Variants in CXCR2 observed in about 807,000 individuals in gnomAD.
CXCR2 encodes C-X-C chemokine receptor type 2.
In CXCR2, 2 loss-of-function variants were observed where a neutral mutation model predicts 3.7. The ratio of observed to expected loss-of-function variants is 0.55; its 90% CI spans 0.22 to 1.72. CXCR2 has a LOEUF of 1.72. Ranked by LOEUF, CXCR2 falls within the 40% of genes most tolerant of loss-of-function variation. The probability of loss-of-function intolerance (pLI) is 0.19; values close to 1 mark genes in which losing one functional copy is unlikely to be tolerated. For missense variants in CXCR2, 351 were observed against 450.1 expected (o/e 0.78, Z 1.99); for synonymous variants, 203 against 193.3 (o/e 1.05, Z -0.41).
chr2:218,128,529 T>A (rs1690563365), intron 1 of CXCR2, among the ~76,000 whole-genome samples: 1 of 152,248 alleles, frequency 6.6e-6, no homozygotes, highest in African/African-American at 2.4e-5. Flanking sequence ...TTCATTCATT[T>A]GTAATCAATA....
chr2:218,136,795 G>A lies in CXCR2; in HGVS notation c.*911G>A, dbSNP rs972609212. On this transcript the variant is annotated 3_prime_UTR_variant, in exon 3 of 3. Coordinates refer to ENST00000318507, the MANE Select transcript of CXCR2 (RefSeq NM_001557.4). Reference sequence around the variant, plus strand: ...TACTCATACATGTTACAACACGGACGAACCTTGAAAACTTTATGCTAAGTG... The same window carrying A: ...TACTCATACATGTTACAACACGGACAAACCTTGAAAACTTTATGCTAAGTG... 6.0e-6 allele frequency: 1 copy of A among 167,044 alleles called. No homozygotes were observed. Among genetic ancestry groups the A allele is most frequent in the Non-Finnish European group, 1.5e-5 (1 of 68,128 alleles). 10.3% of individuals were successfully genotyped at this position (167,044 alleles called of 1,614,324 possible).
upstream of CXCR2, chr2:218,125,443 C>T (rs1488110715): frequency 6.6e-6 from 1 of 152,042 alleles, no homozygotes; most frequent in Non-Finnish European, 1.5e-5. Flanking sequence ...CTTTCCTGTT[C>T]AGTTCCTGCA....
intron 1 of CXCR2, among the ~76,000 whole-genome samples, chr2:218,128,181 A>G (rs1411266014): frequency 1.3e-5 from 2 of 152,252 alleles, no homozygotes; most frequent in African/African-American, 4.8e-5. Flanking sequence ...AGAATTGCTC[A>G]GCTAGCCCTG....
At position 218,135,207 on chromosome 2, in the gene CXCR2, C is replaced by T. The variant is rs1690754895; in HGVS notation, c.406C>T (p.Leu136=). The T allele has an allele frequency of 1.2e-6, 2 of 1,614,218 alleles. No individual in the cohort carries two copies. Among genetic ancestry groups the T allele is most frequent in the Non-Finnish European group, 1.7e-6 (2 of 1,180,048 alleles). Residue 136 remains leucine, a synonymous_variant, in exon 3 of 3, where the codon CTA becomes TTA. Transcript: ENST00000318507. The surrounding 1 kb of genome is among the most constrained non-coding windows in gnomAD (Gnocchi z 4.0). ...KEVNFYSGIL[L]LACISVDRYL... ...AGTCAACTTCTATAGTGGCATCCTGCTACTGGCCTGCATCAGTGTGGACCG... is the reference window on the plus strand; with the variant it reads ...AGTCAACTTCTATAGTGGCATCCTGTTACTGGCCTGCATCAGTGTGGACCG...
chr2:218,130,764 A>C (rs1019544310), intron 2 of CXCR2: 2 of 152,280 alleles, frequency 1.3e-5, no homozygotes, highest in African/African-American at 4.8e-5. Flanking sequence ...CTGCCAAGTC[A>C]TCCTCTGTAG....
chr2:218,131,848 A>G (rs976830888), intron 2 of CXCR2, among the ~76,000 whole-genome samples: 3 of 151,626 alleles, frequency 2.0e-5, no homozygotes, highest in South Asian at 2.1e-4. Flanking sequence ...TGGGAAGGCA[A>G]TGTATCTGGC....
In CXCR2 at chr2:218,135,962, T is replaced by C; in HGVS notation, c.*78T>C. On this transcript the variant is annotated 3_prime_UTR_variant, in exon 3 of 3. Coordinates refer to ENST00000318507, the MANE Select transcript of CXCR2 (RefSeq NM_001557.4). The surrounding 1 kb of genome is among the most constrained non-coding windows in gnomAD (Gnocchi z 4.0). Reference sequence around the variant, plus strand: ...ACATTCCAAGCCTCATGTCCACTGGTTCTTCTTGGTCTCAGTGTCAATGCA... The same window carrying C: ...ACATTCCAAGCCTCATGTCCACTGGCTCTTCTTGGTCTCAGTGTCAATGCA... The C allele has an allele frequency of 6.6e-7, 1 of 1,512,342 alleles. No individual in the cohort carries two copies. Among genetic ancestry groups the C allele is most frequent in the Non-Finnish European group, 8.9e-7 (1 of 1,127,272 alleles). The allele number at this position is 1,512,342 out of a possible 1,614,324, so 93.7% of individuals were successfully genotyped here.
chr2:218,134,461 G>T (rs1690729732), intron 2 of CXCR2, among the ~76,000 whole-genome samples: 1 of 152,178 alleles, frequency 6.6e-6, no homozygotes, highest in African/African-American at 2.4e-5. Flanking sequence ...GCCACTGAAG[G>T]ATCCAGGTAG....
rs776719750 is a variant in CXCR2 at position 218,135,462 on chromosome 2, AT to A, written c.662del (p.Ile221ThrfsTer5). ...LRILPQSFGF[I>X]VPLLIMLFCY... ...GATCCTGCCCCAGTCCTTTGGCTTC[AT>A]CGTGCCACTGCTGATCATGCTGTTC... On this transcript the variant is annotated frameshift_variant, in exon 3 of 3. Transcript: ENST00000318507. LOFTEE classifies it high-confidence loss of function. This position sits in a 1 kb window ranked among gnomAD's most constrained non-coding sequence, Gnocchi z 4.0. 5.6e-6 allele frequency: 9 copies of A among 1,614,174 alleles called. No individual in the cohort carries two copies. In the Admixed American group the frequency reaches 1.3e-4, roughly 24 times the overall value.
chr2:218,128,647 G>C (rs1690565663), intron 1 of CXCR2, among the ~76,000 whole-genome samples: 1 of 152,182 alleles, frequency 6.6e-6, no homozygotes, highest in African/African-American at 2.4e-5. Flanking sequence ...TTCCAAATTA[G>C]AGGGTCTTGG....
chr2:218,130,661 A>C (rs1322865694), intron 2 of CXCR2, among the ~76,000 whole-genome samples: 2 of 152,124 alleles, frequency 1.3e-5, no homozygotes, highest in Non-Finnish European at 1.5e-5. Flanking sequence ...GCCTAATTGT[A>C]TCTATTTGTA....
intron 2 of CXCR2, among the ~76,000 whole-genome samples, chr2:218,130,291 G>A (rs977068755): frequency 2.6e-5 from 4 of 152,044 alleles, no homozygotes; most frequent in South Asian, 2.1e-4. Flanking sequence ...GCAGTGGCAG[G>A]CGCCTGTAAT....
chr2:218,132,350 A>G (rs183902078), intron 2 of CXCR2, among the ~76,000 whole-genome samples: 23 of 152,348 alleles, frequency 1.5e-4, no homozygotes, highest in Admixed American at 5.2e-4. Context: ...GAATCACACA[A>G]TAAGAAAACT....
In CXCR2 at chr2:218,135,912, G is replaced by C; in HGVS notation, c.*28G>C. 1 of 1,572,644 alleles carries C rather than the reference G, an allele frequency of 6.4e-7. No individual in the cohort carries two copies. The highest frequency in any genetic ancestry group is 8.6e-7 in the Non-Finnish European group (1 of 1,158,674). On this transcript the variant is annotated 3_prime_UTR_variant, in exon 3 of 3. Transcript: ENST00000318507. The surrounding 1 kb of genome is among the most constrained non-coding windows in gnomAD (Gnocchi z 4.0). ...CCTCCTGCCTAAGTGCAGCCCCGTG[G>C]GGTTCCTCCCTTCTCTTCACAGTCA... is the stretch of plus-strand genomic sequence containing the variant.
intron 1 of CXCR2, among the ~76,000 whole-genome samples, chr2:218,127,179 T>C (rs1258547841): frequency 1.3e-5 from 2 of 152,204 alleles, no homozygotes; most frequent in East Asian, 1.9e-4. Flanking sequence ...CAGGCTGGAA[T>C]GCAATGGCAC....
chr2:218,128,770 T>C (rs1690568442), intron 1 of CXCR2, among the ~76,000 whole-genome samples: 2 of 151,994 alleles, frequency 1.3e-5, no homozygotes, highest in African/African-American at 4.8e-5. Context: ...GAGCAGATGG[T>C]TGGGGAGTGA....
Position 218,136,142 on chromosome 2 carries a change from C to G in CXCR2, c.*258C>G, listed in dbSNP as rs1052657665. On this transcript the variant is annotated 3_prime_UTR_variant, in exon 3 of 3. Transcript: ENST00000318507. ...ATCCTGCCCCTGAGCCCATGGCACT[C>G]TATGTTCTAAGAAGTGAAAATCTAC... The G allele has an allele frequency of 2.3e-6, 1 of 429,726 alleles. No homozygotes were observed. Among genetic ancestry groups the G allele is most frequent in the Admixed American group, 4.0e-5 (1 of 25,072 alleles). 26.6% of individuals were successfully genotyped at this position (429,726 alleles called of 1,614,324 possible). A position where few individuals can be genotyped will look rare whatever the true frequency, so the allele number is the denominator to read the frequency against.
At chr2:218,133,252 A>G (rs1690692979) in intron 2 of CXCR2, among the ~76,000 whole-genome samples, 1 of 144,058 alleles carries the variant, frequency 6.9e-6, no homozygotes, top group South Asian at 2.2e-4. Context: ...CTAATTAGGG[A>G]GCTGGATTGC....
chr2:218,133,290 A>ATT lies in CXCR2; in HGVS notation c.-25-1461_-25-1460dup, dbSNP rs60630461. On this transcript the variant is annotated intron_variant, in intron 2 of 2. Transcript: ENST00000318507. ...TAGTTGACTGCTTTGAGAAACTGGG[A>ATT]TTTTTTTTTTTTTTTTTTTTTTTTT... Among the ~76,000 whole-genome samples the ATT allele has an allele frequency of 1.7e-3, 124 of 73,456 alleles. 1 individual carries two copies. Among genetic ancestry groups the ATT allele is most frequent in the Middle Eastern group, 0.01 (1 of 96 alleles). The allele number at this position is 73,456 out of a possible 152,430, so 48.2% of individuals were successfully genotyped here. A position where few individuals can be genotyped will look rare whatever the true frequency, so the allele number is the denominator to read the frequency against.
Sources: allele counts gnomAD v4.1 joint callset (sites outside exome capture counted in the v4.1 genomes callset), GRCh38; gene constraint gnomAD v4.1.1; non-coding constraint Gnocchi (gnomAD v3.1); transcripts MANE v1.5; gene names NCBI Gene and HGNC (gene_info 2026-07-23, HGNC 2026-07-21).